BMPER: variants seen among roughly 807,000 people sequenced by gnomAD.
The protein encoded by BMPER is BMP-binding endothelial regulator protein.
Under a neutral mutation model 87.3 loss-of-function variants are expected in BMPER, and 45 were observed. The ratio of observed to expected loss-of-function variants is 0.52; its 90% confidence interval spans 0.41 to 0.66. The LOEUF (loss-of-function observed/expected upper bound fraction) is 0.66. BMPER is among the 30% of genes least tolerant of loss of function. The pLI is 0.00. For synonymous variants in BMPER, 326 were observed against 316.2 expected, an observed-to-expected ratio of 1.03 and a Z score of -0.33; for missense variants, 784 against 867.5, an observed-to-expected ratio of 0.90 and a Z score of 1.21.
At chr7:34,141,515 C>T (rs530626114) in intron 13 of BMPER, among the ~76,000 whole-genome samples, 11 of 140,518 alleles carry the variant, frequency 7.8e-5, no homozygotes, top group Non-Finnish European at 1.7e-4. Context: ...GAGGCTGAGG[C>T]AAGAATATTG....
At chr7:33,941,093 T>C (rs1292052645) in intron 3 of BMPER, among the ~76,000 whole-genome samples, 1 of 136,984 alleles carries the variant, frequency 7.3e-6, no homozygotes, top group African/African-American at 2.7e-5. Flanking sequence ...ATATATAATT[T>C]ATATGTAATA....
chr7:33,986,068 T>A (rs142867549), intron 6 of BMPER, among the ~76,000 whole-genome samples: 14 of 152,342 alleles, frequency 9.2e-5, no homozygotes, highest in African/African-American at 3.4e-4. Flanking sequence ...ACTCCTTCTT[T>A]TCCATCTCTA....
chr7:34,061,028 A>C (rs1366735170), intron 10 of BMPER, among the ~76,000 whole-genome samples: 3 of 152,202 alleles, frequency 2.0e-5, no homozygotes, highest in African/African-American at 2.4e-5. Context: ...CTTCACCTAT[A>C]AAAAGGGAAA....
At chr7:34,027,956 C>T (rs1422966912) in intron 6 of BMPER, among the ~76,000 whole-genome samples, 2 of 151,884 alleles carry the variant, frequency 1.3e-5, no homozygotes, top group East Asian at 3.9e-4. Flanking sequence ...CATGCTGTTA[C>T]AAAAAATAAT....
chr7:33,946,387 A>T (rs1784895504), intron 3 of BMPER, among the ~76,000 whole-genome samples: 1 of 152,208 alleles, frequency 6.6e-6, no homozygotes, highest in Non-Finnish European at 1.5e-5. Context: ...GGAATCAGGG[A>T]TGTGCCTGGG....
At position 34,153,363 on chromosome 7, in the gene BMPER, G is replaced by A. The variant is rs1012270864; in HGVS notation, c.*90G>A. The A allele has an allele frequency of 5.2e-5, 71 of 1,358,052 alleles. No homozygotes were observed. Among genetic ancestry groups the A allele is most frequent in the African/African-American group, 2.9e-4 (20 of 69,824 alleles). 84.1% of individuals were successfully genotyped at this position (1,358,052 alleles called of 1,614,324 possible). On this transcript the variant is annotated 3_prime_UTR_variant, in exon 15 of 15. Coordinates refer to ENST00000649409, the MANE Select transcript of BMPER (RefSeq NM_001365308.1). ...GAAGGACTGCAGTATTTGTGTGCCCGATTCTGTAAACACACACACACAGAG... is the reference window on the plus strand; with the variant it reads ...GAAGGACTGCAGTATTTGTGTGCCCAATTCTGTAAACACACACACACAGAG...
At chr7:33,991,040 G>C (rs1159564539) in intron 6 of BMPER, among the ~76,000 whole-genome samples, 2 of 145,194 alleles carry the variant, frequency 1.4e-5, no homozygotes. Context: ...GAGGATTTTT[G>C]CATCAATGCT....
At chr7:34,138,037 A>G (rs1247502152) in intron 13 of BMPER, among the ~76,000 whole-genome samples, 2 of 152,064 alleles carry the variant, frequency 1.3e-5, no homozygotes, top group African/African-American at 4.8e-5. Context: ...TTCTCAATCC[A>G]CTCTGTCCAA....
chr7:33,976,400 A>G (rs544886885), intron 6 of BMPER, among the ~76,000 whole-genome samples: 1 of 151,888 alleles, frequency 6.6e-6, no homozygotes, highest in South Asian at 2.1e-4. Flanking sequence ...TGATCTACCC[A>G]CCTCAGCCTC....
At chr7:33,914,742 G>A (rs1445781049) in intron 2 of BMPER, among the ~76,000 whole-genome samples, 1 of 152,126 alleles carries the variant, frequency 6.6e-6, no homozygotes, top group African/African-American at 2.4e-5. Context: ...TAGAAGAAGG[G>A]TTGTATCTAA....
At chr7:33,968,363 G>A (rs998082564) in intron 4 of BMPER, among the ~76,000 whole-genome samples, 4 of 152,046 alleles carry the variant, frequency 2.6e-5, no homozygotes, top group African/African-American at 9.7e-5. Flanking sequence ...CCTTCTTTAG[G>A]TATGAGACCT....
intron 6 of BMPER, among the ~76,000 whole-genome samples, chr7:33,997,624 T>C (rs1786452510): frequency 6.6e-6 from 1 of 152,226 alleles, no homozygotes; most frequent in Non-Finnish European, 1.5e-5. Context: ...CTCTATAAAT[T>C]ACCCAGTCTT....
At position 33,996,428 on chromosome 7, in the gene BMPER, A is replaced by C. The variant is rs1279358047; in HGVS notation, c.576+21644A>C. Among the ~76,000 whole-genome samples, 4 of 152,140 alleles carry C rather than the reference A, an allele frequency of 2.6e-5. No individual in the cohort carries two copies. In the East Asian group the frequency reaches 7.7e-4, roughly 29 times the overall value. On this transcript the variant is annotated intron_variant, in intron 6 of 14. Coordinates refer to ENST00000649409, the MANE Select transcript of BMPER (RefSeq NM_001365308.1). ...TATCAAACCCAAATATTTTAAGCCT[A>C]AGTTTTCTGGTTTGGTTTACTGAGG...
At chr7:33,976,549 A>G (rs1785692862) in intron 6 of BMPER, among the ~76,000 whole-genome samples, 1 of 152,228 alleles carries the variant, frequency 6.6e-6, no homozygotes, top group African/African-American at 2.4e-5. Flanking sequence ...ACTGTAAACT[A>G]TAAAGCTTTC....
At chr7:33,961,373 C>G (rs1252826376) in intron 3 of BMPER, among the ~76,000 whole-genome samples, 1 of 152,152 alleles carries the variant, frequency 6.6e-6, no homozygotes, top group Non-Finnish European at 1.5e-5. Context: ...GGGTGGGTGC[C>G]TGGTCTGTAC....
At chr7:34,059,031 A>G (rs1585787252) in intron 10 of BMPER, among the ~76,000 whole-genome samples, 1 of 152,000 alleles carries the variant, frequency 6.6e-6, no homozygotes, top group South Asian at 2.1e-4. Context: ...AAAAAAGAAA[A>G]AAAAAAACCC....
chr7:33,987,621 A>G (rs1047685999), intron 6 of BMPER, among the ~76,000 whole-genome samples: 2 of 152,096 alleles, frequency 1.3e-5, no homozygotes, highest in African/African-American at 2.4e-5. Context: ...TGGCAGGTAT[A>G]AGTGACCAGG....
chr7:34,142,169 A>G (rs1007631313), intron 13 of BMPER, among the ~76,000 whole-genome samples: 1 of 152,220 alleles, frequency 6.6e-6, no homozygotes. Context: ...CCTCTTGCAT[A>G]AATGTTAACT....
rs777026516 is a variant in BMPER, at chr7:34,055,192, C to A, written c.816C>A (p.Cys272Ter). The change falls in exon 9 of 15, where the codon TGC (cysteine) becomes TGA (stop). Residue 272 changes from cysteine (C) to a stop codon, truncating the protein, a stop_gained. Coordinates refer to ENST00000649409, the MANE Select transcript of BMPER (RefSeq NM_001365308.1). LOFTEE classifies it high-confidence loss of function. ...CTACTGTGGTTTGCAAGAGGAAGTG[C>A]TCCCACCCTGGTGGCTGTGACCAAG... ...RDSTVVCKRK[C>*]SHPGGCDQGQ... 25 of 1,614,014 alleles carry A rather than the reference C, an allele frequency of 1.5e-5. No individual in the cohort carries two copies. Among genetic ancestry groups the A allele is most frequent in the Non-Finnish European group, 2.5e-6 (3 of 1,180,026 alleles).
Sources: allele counts gnomAD v4.1 joint callset (sites outside exome capture counted in the v4.1 genomes callset), GRCh38; gene constraint gnomAD v4.1.1; transcripts MANE v1.5; gene names NCBI Gene and HGNC (gene_info 2026-07-23, HGNC 2026-07-21).